ENGASE: variants seen among roughly 807,000 people sequenced by gnomAD.
ENGASE encodes cytosolic endo-beta-N-acetylglucosaminidase.
A neutral mutation model predicts 78.5 loss-of-function variants in ENGASE; 69 were observed. The observed-to-expected ratio is 0.88, with a 90% CI of 0.72 to 1.07. The LOEUF (loss-of-function observed/expected upper bound fraction) is 1.07. Among genes scored for constraint, ENGASE ranks in the 50% least tolerant of loss-of-function variants. The pLI is 0.00. For missense variants in ENGASE, 943 were observed against 988.4 expected, an observed-to-expected ratio of 0.95 and a Z score of 0.62; for synonymous variants, 408 against 408.9, an observed-to-expected ratio of 1.00 and a Z score of 0.03.
In ENGASE at chr17:79,086,978, G is replaced by T. The variant is rs775185296; in HGVS notation, c.*629G>T. ...CACGTGGGCCAGCCCCAGCTGCTCC[G>T]TGTTTCCTGGCGTTGGCAATTTACT... On this transcript the variant is annotated 3_prime_UTR_variant, in exon 14 of 14. Transcript: ENST00000579016. The T allele has an allele frequency of 2.0e-6, 1 of 503,946 alleles. No individual in the cohort carries two copies. The highest frequency in any genetic ancestry group is 5.7e-5 in the East Asian group (1 of 17,602). The allele number at this position is 503,946 out of a possible 1,614,324, so 31.2% of individuals were successfully genotyped here. A position where few individuals can be genotyped will look rare whatever the true frequency, so the allele number is the denominator to read the frequency against.
Position 79,087,162 on chromosome 17 carries a change from GC to G in ENGASE, c.*816del. 1 of 415,212 alleles carries G rather than the reference GC, an allele frequency of 2.4e-6. No individual in the cohort carries two copies. The highest frequency in any genetic ancestry group is 5.0e-6 in the Non-Finnish European group (1 of 201,786). 25.7% of individuals were successfully genotyped at this position (415,212 alleles called of 1,614,324 possible). A position where few individuals can be genotyped will look rare whatever the true frequency, so the allele number is the denominator to read the frequency against. ...AGAGGCCGTGGGCTCTGGACAAGCC[GC>G]CCTTCAGGCTGGGGTAGCAGGTCAG... is the stretch of plus-strand genomic sequence containing the variant. On this transcript the variant is annotated 3_prime_UTR_variant, in exon 14 of 14. Coordinates refer to ENST00000579016, the MANE Select transcript of ENGASE (RefSeq NM_001042573.3).
intron 10 of ENGASE, chr17:79,084,251 C>T (rs537950606): frequency 7.0e-5 from 35 of 502,398 alleles, no homozygotes; most frequent in African/African-American, 1.2e-4. Context: ...CCTCCCCCAG[C>T]CCCCCAAAGC....
rs1438607289 is a variant in ENGASE, at chr17:79,077,303, GTTAATA to G, written c.147-122_147-117del. On this transcript the variant is annotated intron_variant, in intron 1 of 13. Transcript: ENST00000579016. The stretch of plus-strand genomic sequence containing the variant: ...CCTTGCTTTATACAATGTTTCTATA[GTTAATA>G]TTAAACAACATAAGGCAGAGAATAT... The G allele has an allele frequency of 7.2e-5, 60 of 834,396 alleles. 1 individual carries two copies. In the South Asian group the frequency reaches 9.0e-4, roughly 13 times the overall value. 51.7% of individuals were successfully genotyped at this position (834,396 alleles called of 1,614,324 possible).
In ENGASE at chr17:79,083,481, G is replaced by C. The variant is rs758983272; in HGVS notation, c.1143-1G>C. ...AGCTGTTGCCCCCATGTCTCTGGCA[G>C]GTTCTGGGGCCGACTGGAGCGTTAT... On this transcript the variant is annotated splice_acceptor_variant, in intron 8 of 13. Coordinates refer to ENST00000579016, the MANE Select transcript of ENGASE (RefSeq NM_001042573.3). LOFTEE classifies it high-confidence loss of function. This position sits in a 1 kb window ranked among gnomAD's most constrained non-coding sequence, Gnocchi z 4.9. 1 of 1,612,960 alleles carries C rather than the reference G, an allele frequency of 6.2e-7. No homozygotes were observed.
intron 13 of ENGASE, 36 bp from the exon 14 acceptor site, chr17:79,085,896 CG>C: frequency 6.3e-7 from 1 of 1,575,070 alleles, no homozygotes; most frequent in Non-Finnish European, 8.6e-7. Flanking sequence ...TCCCCGCCCC[CG>C]GGCGTCCAGC....
At chr17:79,076,050 T>A (rs2072960236) in intron 1 of ENGASE, among the ~76,000 whole-genome samples, 1 of 152,116 alleles carries the variant, frequency 6.6e-6, no homozygotes. Context: ...GTTCTCAGGG[T>A]CTCCCAATGT....
chr17:79,085,241 A>G lies in ENGASE; in HGVS notation c.1599A>G (p.Thr533=), dbSNP rs779144904. The G allele has an allele frequency of 6.2e-7, 1 of 1,613,014 alleles. No homozygotes were observed. Among genetic ancestry groups the G allele is most frequent in the African/African-American group, 1.3e-5 (1 of 74,910 alleles). The change falls in exon 12 of 14, where the codon ACA becomes ACG. Residue 533 remains threonine, a synonymous_variant. Coordinates refer to ENST00000579016, the MANE Select transcript of ENGASE (RefSeq NM_001042573.3). The stretch of plus-strand genomic sequence containing the variant: ...CCGTGTCTCCTTCTGCAGCAGAAAC[A>G]AGCTCAAGACACAGCCTCCGACCCC... ...IGGISVLNAE[T]SSRHSLRPLR... is the part of the protein sequence containing the mutation.
chr17:79,081,137 G>A lies in ENGASE; in HGVS notation c.872+64G>A. The A allele has an allele frequency of 4.5e-6, 6 of 1,325,378 alleles. 1 individual carries two copies. The highest frequency in any genetic ancestry group is 5.1e-6 in the Non-Finnish European group (5 of 983,802). The allele number at this position is 1,325,378 out of a possible 1,614,324, so 82.1% of individuals were successfully genotyped here. Reference sequence around the variant, plus strand: ...GTGGTGGGGGCGGGTACTGTGAGGGGTGGGTGCCGCAAGGGGCGGGCGCAG... The same window carrying A: ...GTGGTGGGGGCGGGTACTGTGAGGGATGGGTGCCGCAAGGGGCGGGCGCAG... On this transcript the variant is annotated intron_variant, in intron 6 of 13. Transcript: ENST00000579016.
rs367812530 is a variant in ENGASE, at chr17:79,086,610, C to G, written c.*261C>G. ...TCTGTTTCTGCCTTGTCCCTCCCCA[C>G]GGTACCTGGTTCCCAGGTGAAAATG... On this transcript the variant is annotated 3_prime_UTR_variant, in exon 14 of 14. Coordinates refer to ENST00000579016, the MANE Select transcript of ENGASE (RefSeq NM_001042573.3). 1 of 557,640 alleles carries G rather than the reference C, an allele frequency of 1.8e-6. No homozygotes were observed. The highest frequency in any genetic ancestry group is 1.9e-5 in the African/African-American group (1 of 53,178). The allele number at this position is 557,640 out of a possible 1,614,324, so 34.5% of individuals were successfully genotyped here.
chr17:79,084,039 C>A, intron 10 of ENGASE, 88 bp downstream of exon 10: 1 of 1,202,590 alleles, frequency 8.3e-7, no homozygotes, highest in Non-Finnish European at 1.2e-6. Context: ...GCAGTGGAGG[C>A]CAGAACAAGG....
At chr17:79,084,469 C>T (rs1238530226) in intron 10 of ENGASE, 69 bp from the exon 11 acceptor site, 35 of 1,444,884 alleles carry the variant, frequency 2.4e-5, no homozygotes, top group Middle Eastern at 1.8e-4. Context: ...CTGGTGGACG[C>T]GATTTGGAGC....
chr17:79,082,846 G>A (rs770211027), intron 7 of ENGASE, 174 bp from the exon 8 acceptor site: 30 of 1,545,590 alleles, frequency 1.9e-5, no homozygotes, highest in Non-Finnish European at 2.3e-5. Flanking sequence ...CGGGCTTGTG[G>A]AACGACGGGG....
intron 5 of ENGASE, 63 bp downstream of exon 5, chr17:79,080,427 T>C (rs901308768): frequency 2.5e-5 from 39 of 1,580,362 alleles, no homozygotes; most frequent in Non-Finnish European, 3.2e-5. Flanking sequence ...CCTCCACCTC[T>C]TTCCTGCCTT....
At position 79,081,983 on chromosome 17, in the gene ENGASE, G is replaced by C. The variant is rs763836526; in HGVS notation, c.958G>C (p.Glu320Gln). The change falls in exon 7 of 14, where the codon GAG (glutamate) becomes CAG (glutamine). Residue 320 changes from glutamate to glutamine, a missense_variant. Glu to Gln is a conservative substitution (Grantham distance 29). Transcript: ENST00000579016. ...HLERMLGQAG[E>Q]RRADVYVGVD... ...GGAGCGGATGCTGGGGCAGGCTGGG[G>C]AGCGCCGGGCTGATGTGTACGTGGG... 68 of 1,614,102 alleles carry C rather than the reference G, an allele frequency of 4.2e-5. No homozygotes were observed. Among genetic ancestry groups the C allele is most frequent in the Non-Finnish European group, 5.5e-5 (65 of 1,180,028 alleles).
rs1445075832 is a variant in ENGASE, at chr17:79,077,813, G to T, written c.365G>T (p.Arg122Met). Residue 122 changes from arginine to methionine, a missense_variant, in exon 3 of 14, where the codon AGG (arginine) becomes ATG (methionine). Transcript: ENST00000579016. ...ACRQPPLSSQRPRTLLCHDMM... is the reference protein window; with the variant it reads ...ACRQPPLSSQMPRTLLCHDMM... Reference sequence around the variant, plus strand: ...CGCCAGCCCCCTCTGAGCAGCCAGAGGCCCCGGACTTTGTTGTGTCATGAC... The same window carrying T: ...CGCCAGCCCCCTCTGAGCAGCCAGATGCCCCGGACTTTGTTGTGTCATGAC... The T allele has an allele frequency of 6.2e-7, 1 of 1,614,086 alleles. No homozygotes were observed. The highest frequency in any genetic ancestry group is 8.5e-7 in the Non-Finnish European group (1 of 1,180,034).
chr17:79,085,814 C>T (rs1599351052), intron 13 of ENGASE, 80 bp downstream of exon 13: 1 of 1,600,394 alleles, frequency 6.2e-7, no homozygotes, highest in East Asian at 2.2e-5. Flanking sequence ...CCAGGCCGCC[C>T]CCTTCTTGGG....
rs553512125 is a variant in ENGASE at position 79,086,323 on chromosome 17, G to C, written c.2206G>C (p.Val736Leu). 3.9e-5 allele frequency: 63 copies of C among 1,613,234 alleles called. 1 individual carries two copies. In the Middle Eastern group the frequency reaches 6.6e-4, roughly 17 times the overall value. The change falls in exon 14 of 14, where the codon GTT becomes CTT. Residue 736 changes from valine (V) to leucine (L), a missense_variant. Physicochemically the swap from Val to Leu is conservative, Grantham distance 32. Transcript: ENST00000579016. ...ACCTCAGGCCGAGTGGGGCAGGGCA[G>C]TTCTGCTTTATTCAGCCCCTGCATG... ...RVPQAEWGRA[V>L]LLYSAPA
At chr17:79,076,122 C>T (rs931097489) in intron 1 of ENGASE, among the ~76,000 whole-genome samples, 1 of 152,158 alleles carries the variant, frequency 6.6e-6, no homozygotes, top group African/African-American at 2.4e-5. Context: ...CTCTTTGCAA[C>T]AGGCCTCTGA....
rs1045941419 is a variant in ENGASE, at chr17:79,081,819, G to T, written c.873-79G>T. 13 of 1,526,374 alleles carry T rather than the reference G, an allele frequency of 8.5e-6. No individual in the cohort carries two copies. In the African/African-American group the frequency reaches 1.8e-4, roughly 21 times the overall value. The allele number at this position is 1,526,374 out of a possible 1,614,324, so 94.6% of individuals were successfully genotyped here. A position where few individuals can be genotyped will look rare whatever the true frequency, so the allele number is the denominator to read the frequency against. On this transcript the variant is annotated intron_variant, in intron 6 of 13. Transcript: ENST00000579016. ...TCCCTCTGAGTACTAGGAGGGGAAA[G>T]GCTGAGACTGCAGGGTTGGTGGGGG... is the stretch of plus-strand genomic sequence containing the variant.
Sources: gnomAD v4.1 joint callset for allele counts (sites outside exome capture counted in the v4.1 genomes callset) on GRCh38, gnomAD v4.1.1 for gene constraint, Gnocchi (gnomAD v3.1) non-coding constraint, MANE v1.5 for transcripts, NCBI Gene and HGNC (gene_info 2026-07-23, HGNC 2026-07-21) for gene names.